Variants in FRK observed in about 807,000 individuals in gnomAD.
FRK encodes the protein tyrosine-protein kinase FRK.
FRK carries 51 observed loss-of-function variants against 56.4 expected under a neutral mutation model. That is an observed-to-expected ratio of 0.90 (90% CI 0.72 to 1.14). FRK has a LOEUF of 1.14. Among genes scored for constraint, FRK ranks in the 50% most tolerant of loss-of-function variants. FRK has a pLI of 0.00. For synonymous variants in FRK, 245 were observed against 217.9 expected (o/e 1.12, Z -1.10); for missense variants, 570 against 601.4 (o/e 0.95, Z 0.55).
At chr6:115,957,636 C>T (rs1773054336) in intron 4 of FRK, among the ~76,000 whole-genome samples, 2 of 152,216 alleles carry the variant, frequency 1.3e-5, no homozygotes, top group Admixed American at 6.5e-5. Flanking sequence ...AAAACTATGA[C>T]TTGTTTATTA....
At position 115,932,601 on chromosome 6, in the gene FRK, T is replaced by C. The variant is rs1160264928; in HGVS notation, c.*9813A>G. Reference sequence around the variant, plus strand: ...CATTCTAGCTCACATAATGTGTCTTTTTAAAGAATCATAATGAGTCACCAA... The same window carrying C: ...CATTCTAGCTCACATAATGTGTCTTCTTAAAGAATCATAATGAGTCACCAA... On this transcript the variant is annotated 3_prime_UTR_variant, in exon 8 of 8. Coordinates refer to ENST00000606080, the MANE Select transcript of FRK (RefSeq NM_002031.3). 6.6e-6 allele frequency: 1 copy of C among 152,170 alleles called. No homozygotes were observed. Among genetic ancestry groups the C allele is most frequent in the African/African-American group, 2.4e-5 (1 of 41,432 alleles). The allele number at this position is 152,170 out of a possible 1,614,324, so 9.4% of individuals were successfully genotyped here. A position where few individuals can be genotyped will look rare whatever the true frequency, so the allele number is the denominator to read the frequency against.
intron 2 of FRK, among the ~76,000 whole-genome samples, chr6:115,980,810 A>T (rs890438372): frequency 6.6e-6 from 1 of 152,088 alleles, no homozygotes; most frequent in East Asian, 1.9e-4. Flanking sequence ...CTCCTCTTAT[A>T]CATAAGCCAG....
chr6:115,943,359 A>G (rs1772278034), intron 6 of FRK, among the ~76,000 whole-genome samples, 174 bp from the exon 7 acceptor site: 3 of 152,026 alleles, frequency 2.0e-5, no homozygotes, highest in Admixed American at 1.3e-4. Flanking sequence ...AGACTGAAAA[A>G]TATGTGGGAA....
In FRK at chr6:115,967,602, C is replaced by T; in HGVS notation, c.748G>A (p.Glu250Lys). Reference sequence around the variant, plus strand: ...GGAGTGGTATTGTTCCACAGACCTTCCCATACTTCGCCAAACTGACCAGAT... The same window carrying T: ...GGAGTGGTATTGTTCCACAGACCTTTCCATACTTCGCCAAACTGACCAGAT... ...LGSGQFGEVW[E>K]GLWNNTTPVA... is the part of the protein sequence containing the mutation. Residue 250 changes from glutamate (E) to lysine (K), a missense_variant, in exon 4 of 8, where the codon GAA (glutamate) becomes AAA (lysine). Glu to Lys is a moderately conservative substitution (Grantham distance 56). Transcript: ENST00000606080. 6.2e-7 allele frequency: 1 copy of T among 1,613,852 alleles called. No homozygotes were observed. Among genetic ancestry groups the T allele is most frequent in the East Asian group, 2.2e-5 (1 of 44,872 alleles).
intron 6 of FRK, 26 bp from the exon 7 acceptor site, chr6:115,943,211 C>A (rs201637193): frequency 2.0e-6 from 3 of 1,523,942 alleles, no homozygotes; most frequent in South Asian, 1.3e-5. Context: ...GGAATCAGGC[C>A]GAGTTAAAGC....
chr6:115,973,525 C>A (rs973455989), intron 2 of FRK, among the ~76,000 whole-genome samples: 1 of 152,078 alleles, frequency 6.6e-6, no homozygotes, highest in African/African-American at 2.4e-5. Flanking sequence ...TCTGCACATG[C>A]TACACATGTA....
chr6:116,073,953 A>C, the FRK span, among the ~76,000 whole-genome samples: 3 of 152,210 alleles, frequency 2.0e-5, no homozygotes, highest in East Asian at 5.8e-4. Flanking sequence ...AAGTTAACTT[A>C]TCCTGTCCTC....
Position 116,010,802 on chromosome 6 carries a change from G to A in FRK, c.345-6804C>T, listed in dbSNP as rs1378491762. Among the ~76,000 whole-genome samples, 4 of 152,186 alleles carry A rather than the reference G, an allele frequency of 2.6e-5. No individual in the cohort carries two copies. In the East Asian group the frequency reaches 5.8e-4, roughly 22 times the overall value. On this transcript the variant is annotated intron_variant, in intron 1 of 7. Coordinates refer to ENST00000606080, the MANE Select transcript of FRK (RefSeq NM_002031.3). ...TCGACACATTCATGCTCAATAAATA[G>A]TAGAGATTTTAAGATAATTAATTGA...
In FRK at chr6:115,988,992, C is replaced by T. The variant is rs553878945; in HGVS notation, c.466+14885G>A. Among the ~76,000 whole-genome samples, 93 of 151,902 alleles carry T rather than the reference C, an allele frequency of 6.1e-4. 1 individual carries two copies. The Middle Eastern group carries it at 0.027, about 44-fold the overall frequency. ...TTAATTTCCTGTTCAATCCAAAACC[C>T]GCACCAGGTCTTCTCAAATGTTTGA... On this transcript the variant is annotated intron_variant, in intron 2 of 7. Transcript: ENST00000606080.
At chr6:116,004,357 CA>C (rs141268326) in intron 1 of FRK, among the ~76,000 whole-genome samples, 7,231 of 152,172 alleles carry the variant, frequency 0.048, 304 homozygotes, top group African/African-American at 0.11. Flanking sequence ...AATGACTCAT[CA>C]TCTCCATCCA....
At chr6:115,985,010 T>G (rs1399968041) in intron 2 of FRK, among the ~76,000 whole-genome samples, 1 of 152,120 alleles carries the variant, frequency 6.6e-6, no homozygotes. Flanking sequence ...ATCCTGAGCC[T>G]TGTACTTGAA....
intron 4 of FRK, among the ~76,000 whole-genome samples, chr6:115,966,644 C>G (rs1773589077): frequency 6.6e-6 from 1 of 152,148 alleles, no homozygotes; most frequent in Non-Finnish European, 1.5e-5. Context: ...AAACTACAAT[C>G]TAGCCTATGT....
the FRK span, among the ~76,000 whole-genome samples, chr6:116,080,264 T>A: frequency 6.6e-6 from 1 of 152,180 alleles, no homozygotes; most frequent in African/African-American, 2.4e-5. Context: ...CAAGCAATTA[T>A]CCTGCCTCAA....
intron 2 of FRK, among the ~76,000 whole-genome samples, chr6:115,997,404 C>T (rs1562277406): frequency 6.6e-6 from 1 of 151,712 alleles, no homozygotes. Flanking sequence ...ATAGAAAGTA[C>T]TCTGCTCAAA....
upstream of FRK, among the ~76,000 whole-genome samples, chr6:116,062,930 A>G (rs1777674144): frequency 1.3e-5 from 2 of 152,234 alleles, no homozygotes; most frequent in Admixed American, 6.5e-5. Context: ...GCTGGGCACC[A>G]GACAGAAAAC....
the FRK span, among the ~76,000 whole-genome samples, chr6:116,085,586 A>G: frequency 6.6e-6 from 1 of 152,212 alleles, no homozygotes; most frequent in Non-Finnish European, 1.5e-5. Context: ...GAGTGAGGTA[A>G]TTATCTACTG....
chr6:115,987,962 C>T (rs1774453348), intron 2 of FRK, among the ~76,000 whole-genome samples: 1 of 151,876 alleles, frequency 6.6e-6, no homozygotes, highest in Admixed American at 6.6e-5. Flanking sequence ...TTCACAAAAC[C>T]TTTTTTACAA....
At chr6:116,000,266 G>C (rs60539581) in intron 2 of FRK, among the ~76,000 whole-genome samples, 1 of 102,662 alleles carries the variant, frequency 9.7e-6, no homozygotes, top group African/African-American at 3.8e-5. Flanking sequence ...TTTTTGAGAC[G>C]GAGTCTCGCT....
chr6:116,010,774 GTC>G (rs1285469475), intron 1 of FRK, among the ~76,000 whole-genome samples: 1 of 152,190 alleles, frequency 6.6e-6, no homozygotes, highest in African/African-American at 2.4e-5. Context: ...AGTGCTTTAT[GTC>G]TCGACACATT....
Sources: gnomAD v4.1 joint callset for allele counts (sites outside exome capture counted in the v4.1 genomes callset) on GRCh38, gnomAD v4.1.1 for gene constraint, MANE v1.5 for transcripts, NCBI Gene and HGNC (gene_info 2026-07-23, HGNC 2026-07-21) for gene names.